ADAM22: variants seen among roughly 807,000 people sequenced by gnomAD.
The protein encoded by ADAM22 is ADAM metallopeptidase domain 22.
ADAM22 carries 65 observed loss-of-function variants against 144.6 expected under a neutral mutation model. The observed-to-expected ratio is 0.45, with a 90% CI of 0.37 to 0.55. ADAM22 has a LOEUF of 0.55. Among genes scored for constraint, ADAM22 ranks in the 20% least tolerant of loss-of-function variants. The pLI, the probability that ADAM22 is intolerant of heterozygous loss-of-function variation, is 0.00. For missense variants in ADAM22, 974 were observed against 1,184.9 expected (o/e 0.82, Z 2.61); for synonymous variants, 391 against 412.6 (o/e 0.95, Z 0.63).
chr7:88,045,756 C>A (rs1057486928), intron 3 of ADAM22, among the ~76,000 whole-genome samples: 1 of 152,066 alleles, frequency 6.6e-6, no homozygotes, highest in Non-Finnish European at 1.5e-5. Context: ...TTTTTAGATT[C>A]CACATGTAAA....
intron 25 of ADAM22, among the ~76,000 whole-genome samples, chr7:88,170,052 C>A (rs1041250654): frequency 6.6e-6 from 1 of 151,840 alleles, no homozygotes; most frequent in African/African-American, 2.4e-5. Context: ...TTTTTTTCTG[C>A]AGGTGACTTC....
At chr7:88,136,798 G>T (rs1054690077) in intron 14 of ADAM22, among the ~76,000 whole-genome samples, 3 of 151,290 alleles carry the variant, frequency 2.0e-5, no homozygotes, top group Non-Finnish European at 4.4e-5. Flanking sequence ...AATACCACCT[G>T]TTCCCCCAAA....
intron 5 of ADAM22, among the ~76,000 whole-genome samples, chr7:88,113,684 TATTATAAATAAATAAATAA>T (rs1563244901): frequency 3.3e-5 from 3 of 90,124 alleles, no homozygotes; most frequent in African/African-American, 1.4e-4. Context: ...ATAATATATA[TATTATAAATAAATAAATAA>T]ATATATATAT....
chr7:88,016,703 C>G (rs930971815), intron 3 of ADAM22, among the ~76,000 whole-genome samples: 5 of 152,060 alleles, frequency 3.3e-5, no homozygotes, highest in African/African-American at 1.2e-4. Flanking sequence ...TCTGTGTTCT[C>G]ACTCATATGT....
chr7:87,942,277 A>G (rs1435992904), intron 2 of ADAM22, among the ~76,000 whole-genome samples: 1 of 152,242 alleles, frequency 6.6e-6, no homozygotes, highest in Non-Finnish European at 1.5e-5. Context: ...GGTAACTTAC[A>G]TGGCTACCTT....
chr7:88,128,654 T>C lies in ADAM22; in HGVS notation c.731T>C (p.Met244Thr). 6.2e-7 allele frequency: 1 copy of C among 1,611,916 alleles called. No individual in the cohort carries two copies. The highest frequency in any genetic ancestry group is 8.5e-7 in the Non-Finnish European group (1 of 1,178,334). The change falls in exon 9 of 32, where the codon ATG (methionine) becomes ACG (threonine). Residue 244 changes from methionine (M) to threonine (T), a missense_variant. This residue lies in a region of ADAM22 where 734 missense variants were observed against 950.6 expected (regional missense o/e 0.77). Transcript: ENST00000413139. ...GAAGAAACCAAATACATTGAACTGA[T>C]GATTGTGAATGATCACCTTATGGTA... ...VEEETKYIEL[M>T]IVNDHLMFKK... is the part of the protein sequence containing the mutation.
At chr7:87,973,664 A>G (rs1252258054) in intron 2 of ADAM22, among the ~76,000 whole-genome samples, 1 of 152,206 alleles carries the variant, frequency 6.6e-6, no homozygotes, top group Non-Finnish European at 1.5e-5. Flanking sequence ...CACTATTCAC[A>G]ATAGCAAAGA....
intron 29 of ADAM22, chr7:88,186,246 A>G (rs1158948): frequency 0.02 from 4,602 of 232,752 alleles, 57 homozygotes; most frequent in Non-Finnish European, 0.028. Context: ...AAGCATCATT[A>G]TCATTTAAAA....
chr7:88,028,328 T>C (rs560517634), intron 3 of ADAM22, among the ~76,000 whole-genome samples: 1 of 152,320 alleles, frequency 6.6e-6, no homozygotes, highest in East Asian at 1.9e-4. Context: ...TTTGATTTCA[T>C]TGTGGTCAGA....
intron 18 of ADAM22, among the ~76,000 whole-genome samples, chr7:88,149,854 TAGG>T (rs1253805728): frequency 6.6e-6 from 1 of 152,190 alleles, no homozygotes; most frequent in Non-Finnish European, 1.5e-5. Flanking sequence ...GTAAAAACCT[TAGG>T]AGTAGTTTGA....
intron 14 of ADAM22, among the ~76,000 whole-genome samples, chr7:88,140,969 G>T (rs747396608): frequency 3.9e-5 from 6 of 152,172 alleles, no homozygotes; most frequent in Non-Finnish European, 7.3e-5. Flanking sequence ...GGAGGTGGAG[G>T]GGGGAGAGGG....
At chr7:87,937,245 G>A (rs934086666) in intron 2 of ADAM22, among the ~76,000 whole-genome samples, 2 of 152,172 alleles carry the variant, frequency 1.3e-5, no homozygotes, top group Non-Finnish European at 2.9e-5. Flanking sequence ...GGTGTGAGTT[G>A]TGGGGGCCTA....
At chr7:88,028,718 T>G (rs1330092072) in intron 3 of ADAM22, among the ~76,000 whole-genome samples, 1 of 152,112 alleles carries the variant, frequency 6.6e-6, no homozygotes, top group Non-Finnish European at 1.5e-5. Flanking sequence ...TTAATTGTTA[T>G]GTATTCTTGC....
intron 7 of ADAM22, among the ~76,000 whole-genome samples, chr7:88,125,221 T>G (rs1417985163): frequency 6.6e-6 from 1 of 152,026 alleles, no homozygotes. Flanking sequence ...GTGTGATTAT[T>G]TATTCTACTT....
At chr7:88,118,129 A>C (rs1828279346) in intron 7 of ADAM22, among the ~76,000 whole-genome samples, 1 of 152,156 alleles carries the variant, frequency 6.6e-6, no homozygotes, top group African/African-American at 2.4e-5. Flanking sequence ...CAAGGGGTAA[A>C]GTTGAGTTTT....
At chr7:87,991,349 C>T (rs991147513) in intron 3 of ADAM22, among the ~76,000 whole-genome samples, 4 of 131,532 alleles carry the variant, frequency 3.0e-5, no homozygotes, top group African/African-American at 1.1e-4. Flanking sequence ...TATCACTAGC[C>T]TTATTTTTTT....
At chr7:88,033,817 G>A (rs955499368) in intron 3 of ADAM22, among the ~76,000 whole-genome samples, 2 of 152,084 alleles carry the variant, frequency 1.3e-5, no homozygotes, top group African/African-American at 4.8e-5. Context: ...CTCTCCCTGT[G>A]TCCACCACCC....
At chr7:87,976,407 T>TA (rs1336989333) in intron 2 of ADAM22, among the ~76,000 whole-genome samples, 2 of 152,120 alleles carry the variant, frequency 1.3e-5, no homozygotes, top group African/African-American at 2.4e-5. Flanking sequence ...CATGTGCACT[T>TA]ACAAAGAAAA....
At chr7:87,941,021 G>A (rs1842362417) in intron 2 of ADAM22, among the ~76,000 whole-genome samples, 2 of 152,066 alleles carry the variant, frequency 1.3e-5, no homozygotes, top group Admixed American at 6.5e-5. Flanking sequence ...TTACATCCAG[G>A]ATGTTATTTT....
Sources: allele counts gnomAD v4.1 joint callset (sites outside exome capture counted in the v4.1 genomes callset), GRCh38; gene constraint gnomAD v4.1.1; regional missense constraint gnomAD v4.1.1; transcripts MANE v1.5; gene names NCBI Gene and HGNC (gene_info 2026-07-23, HGNC 2026-07-21).